Variants in CBR4 observed in about 807,000 individuals in gnomAD.
CBR4 encodes the protein carbonyl reductase 4.
CBR4 carries 22 observed loss-of-function variants against 21.0 expected under a neutral mutation model. The ratio of observed to expected loss-of-function variants is 1.05; its 90% confidence interval spans 0.75 to 1.50. CBR4 has a LOEUF of 1.50. Ranked by LOEUF, CBR4 falls within the 40% of genes most tolerant of loss-of-function variation. The pLI, the probability that CBR4 is intolerant of heterozygous loss-of-function variation, is 0.00. For missense variants in CBR4, 302 were observed against 286.3 expected (o/e 1.05, Z -0.40); for synonymous variants, 100 against 104.4 (o/e 0.96, Z 0.26).
At chr4:168,994,891 AT>A (rs1434728980) in intron 4 of CBR4, among the ~76,000 whole-genome samples, 3 of 151,198 alleles carry the variant, frequency 2.0e-5, no homozygotes, top group Non-Finnish European at 4.4e-5. Context: ...AGTAGTTAGG[AT>A]TACACGCATG....
At chr4:168,956,616 A>C (rs1046832479) in intron 2 of CBR4, among the ~76,000 whole-genome samples, 2 of 151,094 alleles carry the variant, frequency 1.3e-5, no homozygotes, top group African/African-American at 4.9e-5. Flanking sequence ...AAAAAAAAAA[A>C]AAAAAAAAAA....
intron 2 of CBR4, among the ~76,000 whole-genome samples, chr4:168,972,045 G>A (rs958481373): frequency 6.6e-6 from 1 of 152,160 alleles, no homozygotes; most frequent in African/African-American, 2.4e-5. Flanking sequence ...TGAATAGGGT[G>A]TGCTTTCCCC....
At chr4:168,921,416 A>G in intron 2 of CBR4, 2 of 641,662 alleles carry the variant, frequency 3.1e-6, no homozygotes, top group African/African-American at 3.7e-5. Flanking sequence ...CAAAAAAAAA[A>G]AAAAAAAAAA....
intron 2 of CBR4, among the ~76,000 whole-genome samples, chr4:168,910,854 G>C (rs1758797705): frequency 1.3e-5 from 2 of 152,148 alleles, no homozygotes; most frequent in Admixed American, 1.3e-4. Flanking sequence ...TGGCAGGGGA[G>C]ATAGTGGTTA....
intron 2 of CBR4, among the ~76,000 whole-genome samples, chr4:168,923,734 G>C (rs973720511): frequency 6.6e-6 from 1 of 152,108 alleles, no homozygotes; most frequent in African/African-American, 2.4e-5. Flanking sequence ...AGATAAAGAT[G>C]CCTCCCCTTT....
intron 2 of CBR4, among the ~76,000 whole-genome samples, chr4:168,975,227 A>C (rs1308527600): frequency 6.6e-6 from 1 of 152,120 alleles, no homozygotes; most frequent in Non-Finnish European, 1.5e-5. Context: ...GGCAATGGGG[A>C]ATGTCTGCAA....
In CBR4 at chr4:169,010,132, G is replaced by GC. The variant is rs751051089; in HGVS notation, c.-44dup. On this transcript the variant is annotated 5_prime_UTR_variant, in exon 1 of 5. Coordinates refer to ENST00000306193, the MANE Select transcript of CBR4 (RefSeq NM_032783.5). ...GGAGGAAAGAGGGTAGGGAGTGGGAGCCCCTCTCCAGGTTCCCTCAGGCTT... is the reference window on the plus strand; with the variant it reads ...GGAGGAAAGAGGGTAGGGAGTGGGAGCCCCCTCTCCAGGTTCCCTCAGGCTT... 15 of 1,514,886 alleles carry GC rather than the reference G, an allele frequency of 9.9e-6. No individual in the cohort carries two copies. The highest frequency in any genetic ancestry group is 8.5e-5 in the South Asian group (7 of 82,060). 93.8% of individuals were successfully genotyped at this position (1,514,886 alleles called of 1,614,324 possible). A position where few individuals can be genotyped will look rare whatever the true frequency, so the allele number is the denominator to read the frequency against.
intron 2 of CBR4, chr4:168,898,595 G>A: frequency 6.2e-7 from 1 of 1,613,674 alleles, no homozygotes; most frequent in Non-Finnish European, 8.5e-7. Context: ...TCAGTATGGA[G>A]ATGTGCCTGT....
At chr4:169,007,890 T>C (rs953276821) in intron 1 of CBR4, 134 bp from the exon 2 acceptor site, 2 of 533,062 alleles carry the variant, frequency 3.8e-6, no homozygotes, top group Non-Finnish European at 3.1e-6. Context: ...AGTAATGTCA[T>C]GAGGCCTGGC....
chr4:168,932,448 C>A (rs796610563), intron 2 of CBR4, among the ~76,000 whole-genome samples: 5 of 150,840 alleles, frequency 3.3e-5, no homozygotes, highest in African/African-American at 1.2e-4. Flanking sequence ...GTTAAGTGAA[C>A]AAATATTTGC....
At chr4:168,951,292 C>T (rs956392975) in intron 2 of CBR4, among the ~76,000 whole-genome samples, 6 of 152,126 alleles carry the variant, frequency 3.9e-5, no homozygotes, top group South Asian at 2.1e-4. Context: ...CTCTTGACCT[C>T]GTGATCCACC....
At position 169,009,991 on chromosome 4, in the gene CBR4, G is replaced by A; in HGVS notation, c.99C>T (p.Ala33=). 1 of 1,613,398 alleles carries A rather than the reference G, an allele frequency of 6.2e-7. No homozygotes were observed. The highest frequency in any genetic ancestry group is 8.5e-7 in the Non-Finnish European group (1 of 1,179,788). Residue 33 remains alanine (A), a synonymous_variant, in exon 1 of 5, where the codon GCC becomes GCT. Coordinates refer to ENST00000306193, the MANE Select transcript of CBR4 (RefSeq NM_032783.5). ...ARKGYRLAVI[A]RNLEGAKAAA... is the part of the protein sequence containing the mutation. The stretch of plus-strand genomic sequence containing the variant: ...CGGCTTTGGCCCCTTCCAGGTTTCT[G>A]GCAATGACCGCCAGTCGGTAGCCTT...
Position 168,957,694 on chromosome 4 carries a change from G to T in CBR4, n.169+44377C>A, listed in dbSNP as rs116012199. On this transcript the variant is annotated intron_variant and non_coding_transcript_variant, in intron 2 of 3. Coordinates refer to the CBR4 transcript ENST00000509108. Reference sequence around the variant, plus strand: ...ATGGTAGATTAGTTTGCATCTTCTAGAATTTTATATGACTGGAATCACGCA... The same window carrying T: ...ATGGTAGATTAGTTTGCATCTTCTATAATTTTATATGACTGGAATCACGCA... Among the ~76,000 whole-genome samples, 603 of 152,234 alleles carry T rather than the reference G, an allele frequency of 4.0e-3. 3 individuals carry two copies. Among genetic ancestry groups the T allele is most frequent in the African/African-American group, 0.014 (562 of 41,522 alleles).
intron 2 of CBR4, among the ~76,000 whole-genome samples, chr4:168,895,946 C>T (rs1364395312): frequency 6.6e-6 from 1 of 152,170 alleles, no homozygotes; most frequent in Non-Finnish European, 1.5e-5. Context: ...CAGTGGCTTA[C>T]GCCTGTGATC....
At chr4:168,970,920 T>C (rs192405316) in intron 2 of CBR4, among the ~76,000 whole-genome samples, 272 of 152,246 alleles carry the variant, frequency 1.8e-3, no homozygotes, top group African/African-American at 6.2e-3. Context: ...CAATTGTGAA[T>C]TGTGCTGCTA....
chr4:168,972,553 G>A (rs2066581733), intron 2 of CBR4, among the ~76,000 whole-genome samples: 1 of 152,124 alleles, frequency 6.6e-6, no homozygotes, highest in African/African-American at 2.4e-5. Flanking sequence ...TTGTAAAAGG[G>A]GTTAAGTTCT....
intron 2 of CBR4, among the ~76,000 whole-genome samples, chr4:168,970,471 G>T (rs1004203653): frequency 4.0e-5 from 6 of 151,722 alleles, no homozygotes; most frequent in Admixed American, 1.3e-4. Context: ...CATTTTTTTT[G>T]AATAGACTAT....
chr4:168,932,506 A>T (rs1465251709), intron 2 of CBR4, among the ~76,000 whole-genome samples: 2 of 152,202 alleles, frequency 1.3e-5, no homozygotes, highest in Admixed American at 6.5e-5. Flanking sequence ...TATAGAAAAC[A>T]GATTTAATGA....
intron 2 of CBR4, among the ~76,000 whole-genome samples, chr4:168,951,792 C>G (rs1763547591): frequency 6.6e-6 from 1 of 152,184 alleles, no homozygotes; most frequent in African/African-American, 2.4e-5. Context: ...TGCTGTTAGT[C>G]TGATAGGTTT....
Sources: allele counts gnomAD v4.1 joint callset (sites outside exome capture counted in the v4.1 genomes callset), GRCh38; gene constraint gnomAD v4.1.1; transcripts MANE v1.5; gene names NCBI Gene and HGNC (gene_info 2026-07-23, HGNC 2026-07-21).